The following SORCS2 variants were observed in gnomAD, a reference collection of about 807,000 sequenced individuals.
SORCS2 encodes the protein VPS10 domain-containing receptor SorCS2.
In SORCS2, 100 loss-of-function variants were observed where a neutral mutation model predicts 141.6. The ratio of observed to expected loss-of-function variants is 0.71; its 90% CI spans 0.60 to 0.83. The LOEUF (loss-of-function observed/expected upper bound fraction) is 0.83, where lower values mean the gene tolerates loss of function less well. Ranked by LOEUF, SORCS2 falls within the 40% of genes least tolerant of loss-of-function variation. The pLI is 0.00. For missense variants in SORCS2, 1,646 were observed against 1,560.2 expected (o/e 1.05, Z -0.93); for synonymous variants, 789 against 676.9 (o/e 1.17, Z -2.57).
At chr4:7,535,308 C>T (rs1712024973) in intron 3 of SORCS2, among the ~76,000 whole-genome samples, 2 of 152,198 alleles carry the variant, frequency 1.3e-5, no homozygotes, top group South Asian at 4.1e-4. Context: ...GTCTCGGAGG[C>T]AGGCAGGGCA....
chr4:7,628,841 C>T (rs767078290), intron 3 of SORCS2, among the ~76,000 whole-genome samples: 1 of 152,130 alleles, frequency 6.6e-6, no homozygotes, highest in Non-Finnish European at 1.5e-5. Context: ...ACTGTACACT[C>T]GAGAAGGGCT....
chr4:7,636,458 A>G (rs866011732), intron 3 of SORCS2, among the ~76,000 whole-genome samples: 2 of 152,180 alleles, frequency 1.3e-5, no homozygotes, highest in Admixed American at 6.5e-5. Context: ...GTGCACACTC[A>G]GTCTCTGGGT....
intron 2 of SORCS2, among the ~76,000 whole-genome samples, chr4:7,445,761 C>A (rs1233991501): frequency 1.3e-5 from 2 of 152,166 alleles, no homozygotes; most frequent in Non-Finnish European, 2.9e-5. Context: ...GCAGACCCAA[C>A]CCTCCTGGGT....
chr4:7,597,968 T>A (rs1338203747), intron 3 of SORCS2, among the ~76,000 whole-genome samples: 7 of 147,630 alleles, frequency 4.7e-5, no homozygotes, highest in Non-Finnish European at 9.0e-5. Context: ...TAATCTTTTT[T>A]TTTTTTTTTT....
chr4:7,545,778 T>C (rs1713211257), intron 3 of SORCS2, among the ~76,000 whole-genome samples: 1 of 152,266 alleles, frequency 6.6e-6, no homozygotes, highest in African/African-American at 2.4e-5. Context: ...CTGCTGCCTC[T>C]GTCTTCAGGG....
At position 7,726,748 on chromosome 4, in the gene SORCS2, C is replaced by G. The variant is rs764507084; in HGVS notation, c.2746-32C>G. The G allele has an allele frequency of 1.1e-5, 18 of 1,606,944 alleles. No homozygotes were observed. The East Asian group carries it at 4.0e-4, about 36-fold the overall frequency. On this transcript the variant is annotated intron_variant, in intron 20 of 26. Coordinates refer to ENST00000507866, the MANE Select transcript of SORCS2 (RefSeq NM_020777.3). ...CCCCCACGGCCGCTGCCTCACTCGG[C>G]CAGGCCCCTAAGCCCTGCTGTGCCC... is the stretch of plus-strand genomic sequence containing the variant.
chr4:7,511,392 A>T lies in SORCS2; in HGVS notation c.549-20138A>T, dbSNP rs555985230. The stretch of plus-strand genomic sequence containing the variant: ...GAGAGGTACACACAAAAAGCCAGAG[A>T]TCCCTGCAGAGAGAGAGGGGGAGGG... On this transcript the variant is annotated intron_variant, in intron 2 of 26. Coordinates refer to ENST00000507866, the MANE Select transcript of SORCS2 (RefSeq NM_020777.3). Among the ~76,000 whole-genome samples, 340 of 130,304 alleles carry T rather than the reference A, an allele frequency of 2.6e-3. 4 individuals are homozygous for T. Among genetic ancestry groups the T allele is most frequent in the African/African-American group, 8.2e-3 (297 of 36,018 alleles). 85.5% of individuals were successfully genotyped at this position (130,304 alleles called of 152,430 possible). A position where few individuals can be genotyped will look rare whatever the true frequency, so the allele number is the denominator to read the frequency against.
intron 1 of SORCS2, among the ~76,000 whole-genome samples, chr4:7,354,855 A>G (rs991143830): frequency 1.2e-4 from 18 of 152,148 alleles, no homozygotes; most frequent in African/African-American, 3.6e-4. Flanking sequence ...TGGCCACCCC[A>G]TGGGTGGACT....
At chr4:7,375,252 C>G (rs1722561884) in intron 1 of SORCS2, among the ~76,000 whole-genome samples, 1 of 152,152 alleles carries the variant, frequency 6.6e-6, no homozygotes, top group Non-Finnish European at 1.5e-5. Context: ...TTGAGTCAGG[C>G]ATGGGGATAC....
At chr4:7,363,366 A>G (rs1353570643) in intron 1 of SORCS2, among the ~76,000 whole-genome samples, 1 of 151,948 alleles carries the variant, frequency 6.6e-6, no homozygotes, top group African/African-American at 2.4e-5. Context: ...CATTACTATC[A>G]CCACTATCAC....
At position 7,741,093 on chromosome 4, in the gene SORCS2, G is replaced by A. The variant is rs899742181; in HGVS notation, c.*829G>A. 3 of 398,628 alleles carry A rather than the reference G, an allele frequency of 7.5e-6. No individual in the cohort carries two copies. Among genetic ancestry groups the A allele is most frequent in the African/African-American group, 6.2e-5 (3 of 48,612 alleles). 24.7% of individuals were successfully genotyped at this position (398,628 alleles called of 1,614,324 possible). ...ATCCCGCAGGCTTCTCCCACCTGAT[G>A]GCTGTTCTCCCACCGGGTCTGGGCT... On this transcript the variant is annotated 3_prime_UTR_variant, in exon 27 of 27. Transcript: ENST00000507866.
chr4:7,518,638 G>A (rs1733134781), intron 2 of SORCS2, among the ~76,000 whole-genome samples: 1 of 152,188 alleles, frequency 6.6e-6, no homozygotes, highest in African/African-American at 2.4e-5. Context: ...CTCATGCCCA[G>A]CAGCGGGAGA....
intron 2 of SORCS2, among the ~76,000 whole-genome samples, chr4:7,507,882 A>G (rs1732373194): frequency 6.6e-6 from 1 of 152,206 alleles, no homozygotes; most frequent in Non-Finnish European, 1.5e-5. Context: ...AAAAATCCAA[A>G]TATTATTAGA....
chr4:7,518,490 G>C (rs181885144), intron 2 of SORCS2, among the ~76,000 whole-genome samples: 3 of 152,340 alleles, frequency 2.0e-5, no homozygotes, highest in East Asian at 1.9e-4. Flanking sequence ...GGGGACTGCA[G>C]AGTCCAGCTA....
At chr4:7,573,925 C>G (rs1187467853) in intron 3 of SORCS2, among the ~76,000 whole-genome samples, 1 of 152,234 alleles carries the variant, frequency 6.6e-6, no homozygotes, top group East Asian at 1.9e-4. Context: ...GCAGCAGGCC[C>G]ATTCCTGCTG....
At chr4:7,440,654 C>T (rs1290717467) in intron 2 of SORCS2, among the ~76,000 whole-genome samples, 1 of 152,224 alleles carries the variant, frequency 6.6e-6, no homozygotes, top group Non-Finnish European at 1.5e-5. Flanking sequence ...TGTCTCCCAT[C>T]CCCTCTGCCT....
In SORCS2 at chr4:7,310,695, G is replaced by A. The variant is rs1260365223; in HGVS notation, c.481-85593G>A. Among the ~76,000 whole-genome samples the A allele has an allele frequency of 3.9e-5, 6 of 152,364 alleles. No individual in the cohort carries two copies. The East Asian group carries it at 1.2e-3, about 29-fold the overall frequency. ...CAAGGCAGACGGGAGCTGGAGCTGAGTCTGCAGAGTCTTCCACGGTTCTGA... is the reference window on the plus strand; with the variant it reads ...CAAGGCAGACGGGAGCTGGAGCTGAATCTGCAGAGTCTTCCACGGTTCTGA... On this transcript the variant is annotated intron_variant, in intron 1 of 26. Transcript: ENST00000507866.
intron 2 of SORCS2, among the ~76,000 whole-genome samples, chr4:7,491,251 C>T (rs1731298634): frequency 6.6e-6 from 1 of 152,180 alleles, no homozygotes. Context: ...GTAACCCATG[C>T]TCAGCCTCCA....
At chr4:7,415,958 G>C (rs528758993) in intron 2 of SORCS2, among the ~76,000 whole-genome samples, 1 of 152,314 alleles carries the variant, frequency 6.6e-6, no homozygotes, top group East Asian at 1.9e-4. Context: ...GGATGGATAG[G>C]AGTTTTCAGG....
Sources: allele counts gnomAD v4.1 joint callset (sites outside exome capture counted in the v4.1 genomes callset), GRCh38; gene constraint gnomAD v4.1.1; transcripts MANE v1.5; gene names NCBI Gene and HGNC (gene_info 2026-07-23, HGNC 2026-07-21).